Variants in NRG1 observed in about 807,000 individuals in gnomAD.
The protein encoded by NRG1 is pro-neuregulin-1, membrane-bound isoform.
Under a neutral mutation model 63.8 loss-of-function variants are expected in NRG1, and 18 were observed. The ratio of observed to expected loss-of-function variants is 0.28; its 90% CI spans 0.19 to 0.42. NRG1 has a LOEUF of 0.42. Ranked by LOEUF, NRG1 falls within the 10% of genes least tolerant of loss-of-function variation. The pLI, the probability that NRG1 is intolerant of heterozygous loss-of-function variation, is 1.00. For missense variants in NRG1, 762 were observed against 814.7 expected, an observed-to-expected ratio of 0.94 and a Z score of 0.79; for synonymous variants, 302 against 301.3, an observed-to-expected ratio of 1.00 and a Z score of -0.02.
At chr8:32,555,494 C>T (rs4733357) in intron 1 of NRG1, among the ~76,000 whole-genome samples, 30,546 of 151,990 alleles carry the variant, frequency 0.2, 3,854 homozygotes, top group Admixed American at 0.33. Context: ...TTTTTTGAGA[C>T]GGAGTCTCAC....
At chr8:32,186,377 C>A (rs1177811917) in intron 1 of NRG1, among the ~76,000 whole-genome samples, 1 of 149,646 alleles carries the variant, frequency 6.7e-6, no homozygotes, top group Non-Finnish European at 1.5e-5. Context: ...AGGAGAATGG[C>A]GTTAACCCAG....
At chr8:32,076,189 C>T (rs1471388) in intron 1 of NRG1, among the ~76,000 whole-genome samples, 147,937 of 152,220 alleles carry the variant, frequency 0.97, 72,032 homozygotes, top group East Asian at 1. Flanking sequence ...GTTTGCTTCT[C>T]CTGACCCTTT....
intron 3 of NRG1, among the ~76,000 whole-genome samples, chr8:32,613,526 T>C (rs1404859661): frequency 6.6e-6 from 1 of 152,086 alleles, no homozygotes; most frequent in Admixed American, 6.6e-5. Context: ...TACTCCATTA[T>C]TAACAGAATA....
intron 1 of NRG1, among the ~76,000 whole-genome samples, chr8:31,814,826 C>T (rs1374933783): frequency 6.6e-5 from 10 of 151,940 alleles, no homozygotes; most frequent in Admixed American, 4.6e-4. Flanking sequence ...ATTCAGGCTA[C>T]AATAATAGTC....
chr8:31,702,836 T>G (rs1353765773), intron 1 of NRG1, among the ~76,000 whole-genome samples: 1 of 152,120 alleles, frequency 6.6e-6, no homozygotes, highest in African/African-American at 2.4e-5. Context: ...AAAGTTTTGA[T>G]GATTTCCTCC....
chr8:32,397,765 A>G (rs965325811), intron 1 of NRG1, among the ~76,000 whole-genome samples: 3 of 152,210 alleles, frequency 2.0e-5, no homozygotes, highest in Admixed American at 6.5e-5. Flanking sequence ...CACTCACCTC[A>G]GTGATACCCA....
intron 1 of NRG1, among the ~76,000 whole-genome samples, chr8:32,283,790 C>A (rs189989437): frequency 6.6e-6 from 1 of 152,290 alleles, no homozygotes; most frequent in Admixed American, 6.5e-5. Flanking sequence ...TTTCCAGTTA[C>A]CTGGCATTTC....
chr8:31,642,799 A>G (rs1418137036), intron 1 of NRG1, among the ~76,000 whole-genome samples: 4 of 152,164 alleles, frequency 2.6e-5, no homozygotes, highest in African/African-American at 9.7e-5. Flanking sequence ...TTAAAGTAGG[A>G]TATTGCTTTT....
chr8:32,647,681 C>T (rs999920922), intron 5 of NRG1: 6 of 1,517,734 alleles, frequency 4.0e-6, no homozygotes, highest in African/African-American at 1.4e-5. Flanking sequence ...GGTAATGGAC[C>T]GTGAGAGCGG....
intron 1 of NRG1, among the ~76,000 whole-genome samples, chr8:31,791,440 G>T (rs1014832554): frequency 6.6e-6 from 1 of 152,078 alleles, no homozygotes; most frequent in Admixed American, 6.5e-5. Context: ...GAAAATGTTT[G>T]CCACCTCCTA....
At chr8:32,512,941 A>T (rs1462337277) in intron 1 of NRG1, among the ~76,000 whole-genome samples, 1 of 152,182 alleles carries the variant, frequency 6.6e-6, no homozygotes, top group Non-Finnish European at 1.5e-5. Context: ...AGGTAGTGAG[A>T]TATCAAACTG....
chr8:32,075,470 T>C (rs901532981), intron 1 of NRG1, among the ~76,000 whole-genome samples: 5 of 152,156 alleles, frequency 3.3e-5, no homozygotes, highest in Non-Finnish European at 7.4e-5. Context: ...CTCCTTTTTT[T>C]CCAATGTATT....
At chr8:31,889,306 T>C (rs1185035552) in intron 1 of NRG1, among the ~76,000 whole-genome samples, 1 of 152,234 alleles carries the variant, frequency 6.6e-6, no homozygotes, top group Non-Finnish European at 1.5e-5. Context: ...CGTAGGTATA[T>C]CCTTTAATGA....
In NRG1 at chr8:32,478,051, T is replaced by C. The variant is rs187321309; in HGVS notation, c.38-117777T>C. On this transcript the variant is annotated intron_variant, in intron 1 of 10. Transcript: ENST00000519301. ...ATATACTTCTCATCCTCTGGAACAATTGAGACATTGAAATTGCCTGATCTT... is the reference window on the plus strand; with the variant it reads ...ATATACTTCTCATCCTCTGGAACAACTGAGACATTGAAATTGCCTGATCTT... 6.1e-4 allele frequency among the ~76,000 whole-genome samples: 93 copies of C among 152,342 alleles called. 2 individuals carry two copies. Among genetic ancestry groups the C allele is most frequent in the Non-Finnish European group, 7.3e-5 (5 of 68,034 alleles).
chr8:32,021,712 ATC>A (rs10550588), intron 1 of NRG1, among the ~76,000 whole-genome samples: 84,337 of 151,976 alleles, frequency 0.55, 27,275 homozygotes, highest in South Asian at 0.74. Context: ...TAAAAAATGT[ATC>A]TATCAATCTT....
At chr8:32,389,556 G>T (rs1811445067) in intron 1 of NRG1, among the ~76,000 whole-genome samples, 1 of 152,044 alleles carries the variant, frequency 6.6e-6, no homozygotes, top group Admixed American at 6.6e-5. Context: ...AATATCTCTT[G>T]AATCAGTATG....
chr8:31,987,721 G>C (rs963807870), intron 1 of NRG1, among the ~76,000 whole-genome samples: 1 of 151,658 alleles, frequency 6.6e-6, no homozygotes, highest in African/African-American at 2.4e-5. Context: ...TAACAAACCT[G>C]CACATGTGCC....
chr8:32,176,251 G>A (rs1840717029), intron 1 of NRG1, among the ~76,000 whole-genome samples: 1 of 152,186 alleles, frequency 6.6e-6, no homozygotes, highest in African/African-American at 2.4e-5. Flanking sequence ...TTAATAAATG[G>A]TGCTGGGAAA....
At chr8:32,607,658 AT>A (rs963908937) in intron 3 of NRG1, among the ~76,000 whole-genome samples, 1 of 152,146 alleles carries the variant, frequency 6.6e-6, no homozygotes, top group African/African-American at 2.4e-5. Context: ...CAGCTAATTC[AT>A]TTTTTCCACA....
Sources: allele counts gnomAD v4.1 joint callset (sites outside exome capture counted in the v4.1 genomes callset), GRCh38; gene constraint gnomAD v4.1.1; transcripts MANE v1.5; gene names NCBI Gene and HGNC (gene_info 2026-07-23, HGNC 2026-07-21).